Variants in KLF7 observed in about 807,000 individuals in gnomAD.
The protein encoded by KLF7 is Krueppel-like factor 7.
KLF7 carries 2 observed loss-of-function variants against 27.3 expected under a neutral mutation model. The ratio of observed to expected loss-of-function variants is 0.07; its 90% CI spans 0.03 to 0.23. The LOEUF (loss-of-function observed/expected upper bound fraction) is 0.23. KLF7 is among the 10% of genes least tolerant of loss of function. The pLI, the probability that KLF7 is intolerant of heterozygous loss-of-function variation, is 1.00. For missense variants in KLF7, 221 were observed against 394.1 expected (o/e 0.56, Z 3.72); for synonymous variants, 165 against 162.4 (o/e 1.02, Z -0.12).
rs758015408 is a variant in KLF7, at chr2:207,146,809, C to T, written c.102+18658G>A. Among the ~76,000 whole-genome samples, 5 of 152,202 alleles carry T rather than the reference C, an allele frequency of 3.3e-5. No homozygotes were observed. The East Asian group carries it at 9.6e-4, about 29-fold the overall frequency. ...CTCATCCGGCCTCTTTCCTGGAGGG[C>T]TTTACTCTGCCCTCTTCCATGGGGG... On this transcript the variant is annotated intron_variant, in intron 1 of 3. Coordinates refer to ENST00000309446, the MANE Select transcript of KLF7 (RefSeq NM_003709.4).
intron 2 of KLF7, among the ~76,000 whole-genome samples, chr2:207,116,156 T>C (rs1186390248): frequency 6.6e-6 from 1 of 152,198 alleles, no homozygotes; most frequent in African/African-American, 2.4e-5. Flanking sequence ...CAGCAGAGCT[T>C]AGTGTCATCT....
intron 2 of KLF7, among the ~76,000 whole-genome samples, chr2:207,095,340 G>A (rs62188617): frequency 3.9e-5 from 6 of 152,060 alleles, no homozygotes; most frequent in East Asian, 1.9e-4. Context: ...GAGCCACCAC[G>A]CCCGGCCTGT....
intron 1 of KLF7, among the ~76,000 whole-genome samples, chr2:207,128,357 C>T (rs781091770): frequency 1.6e-4 from 25 of 152,132 alleles, no homozygotes; most frequent in Non-Finnish European, 3.1e-4. Flanking sequence ...GTCAGCTCCT[C>T]ATTACAGTAA....
intron 2 of KLF7, among the ~76,000 whole-genome samples, chr2:207,110,421 C>T (rs1366713938): frequency 6.6e-6 from 1 of 152,252 alleles, no homozygotes; most frequent in African/African-American, 2.4e-5. Context: ...GCAACTGTTA[C>T]ATTTCAGCAA....
At chr2:207,143,781 G>A (rs1261650200) in intron 1 of KLF7, among the ~76,000 whole-genome samples, 1 of 152,174 alleles carries the variant, frequency 6.6e-6, no homozygotes, top group African/African-American at 2.4e-5. Flanking sequence ...AAATGTGCAG[G>A]CACATTTGAC....
intron 2 of KLF7, among the ~76,000 whole-genome samples, chr2:207,117,534 T>C (rs898972915): frequency 1.3e-5 from 2 of 152,218 alleles, no homozygotes; most frequent in Non-Finnish European, 2.9e-5. Context: ...TAAACTTCAT[T>C]AGCAGCCATG....
chr2:207,164,204 T>A (rs1301712227), intron 1 of KLF7, among the ~76,000 whole-genome samples: 1 of 152,248 alleles, frequency 6.6e-6, no homozygotes, highest in African/African-American at 2.4e-5. Flanking sequence ...AGCCTCAAGC[T>A]GGCAAATCCT....
chr2:207,099,462 A>C (rs979489099), intron 2 of KLF7, among the ~76,000 whole-genome samples: 3 of 150,904 alleles, frequency 2.0e-5, no homozygotes, highest in East Asian at 3.9e-4. Context: ...GATACACTAA[A>C]TTTTGCTTTT....
Position 207,076,977 on chromosome 2 carries a change from A to ATATAT in KLF7, c.*4235_*4236insATATA, listed in dbSNP as rs2076186625. On this transcript the variant is annotated 3_prime_UTR_variant, in exon 4 of 4. Transcript: ENST00000309446. ...CTCTTAAGATTTCAAAAAAATTCTAATAAACTAAAAAATGAACCTGATTTT... is the reference window on the plus strand; with the variant it reads ...CTCTTAAGATTTCAAAAAAATTCTAATATATTAAACTAAAAAATGAACCTGATTTT... 1 of 152,234 alleles carries ATATAT rather than the reference A, an allele frequency of 6.6e-6. No individual in the cohort carries two copies. The highest frequency in any genetic ancestry group is 1.9e-4 in the East Asian group (1 of 5,200). The allele number at this position is 152,234 out of a possible 1,614,324, so 9.4% of individuals were successfully genotyped here.
chr2:207,148,037 A>C (rs1416366121), intron 1 of KLF7, among the ~76,000 whole-genome samples: 1 of 152,180 alleles, frequency 6.6e-6, no homozygotes, highest in Non-Finnish European at 1.5e-5. Flanking sequence ...CTAAACCTTA[A>C]AAGTACATAA....
chr2:207,120,557 T>C (rs1269068083), intron 2 of KLF7, among the ~76,000 whole-genome samples: 2 of 152,214 alleles, frequency 1.3e-5, no homozygotes, highest in Admixed American at 1.3e-4. Context: ...TCTCCCTTTT[T>C]TTCCTGTCCC....
chr2:207,134,687 C>G (rs551768680), intron 1 of KLF7, among the ~76,000 whole-genome samples: 1 of 152,252 alleles, frequency 6.6e-6, no homozygotes, highest in East Asian at 1.9e-4. Flanking sequence ...ATTAAAGAAA[C>G]AGACTGGCCA....
At chr2:207,117,668 C>T (rs960741388) in intron 2 of KLF7, among the ~76,000 whole-genome samples, 4 of 152,198 alleles carry the variant, frequency 2.6e-5, no homozygotes, top group Non-Finnish European at 5.9e-5. Context: ...GAACCCCCTA[C>T]AGTTCCACAC....
intron 1 of KLF7, among the ~76,000 whole-genome samples, chr2:207,130,862 T>G (rs925566821): frequency 3.9e-5 from 6 of 152,150 alleles, no homozygotes; most frequent in Admixed American, 6.6e-5. Flanking sequence ...AAAACAAATT[T>G]AAAGAAATAA....
At chr2:207,131,157 G>T (rs61067595) in intron 1 of KLF7, among the ~76,000 whole-genome samples, 2,582 of 152,334 alleles carry the variant, frequency 0.017, 141 homozygotes, top group East Asian at 0.11. Context: ...ATCAGATCTG[G>T]ATCTGAAGGA....
intron 2 of KLF7, among the ~76,000 whole-genome samples, chr2:207,109,591 A>G (rs952757455): frequency 6.6e-6 from 1 of 152,242 alleles, no homozygotes; most frequent in Non-Finnish European, 1.5e-5. Context: ...AACTGTAAAG[A>G]TCAATACAAG....
At chr2:207,135,831 A>T (rs2077769694) in intron 1 of KLF7, among the ~76,000 whole-genome samples, 1 of 152,106 alleles carries the variant, frequency 6.6e-6, no homozygotes, top group Non-Finnish European at 1.5e-5. Context: ...AAAAAAAAAA[A>T]TTAAATGCTT....
chr2:207,110,163 T>A (rs958145961), intron 2 of KLF7: 1 of 154,800 alleles, frequency 6.5e-6, no homozygotes, highest in African/African-American at 2.4e-5. Context: ...AAAGTATGTG[T>A]CCATTAGATA....
chr2:207,074,776 A>T lies in KLF7; in HGVS notation c.*6437T>A, dbSNP rs534885835. 3.3e-5 allele frequency: 5 copies of T among 152,286 alleles called. No individual in the cohort carries two copies. Among genetic ancestry groups the T allele is most frequent in the Admixed American group, 3.3e-4 (5 of 15,290 alleles). 9.4% of individuals were successfully genotyped at this position (152,286 alleles called of 1,614,324 possible). A position where few individuals can be genotyped will look rare whatever the true frequency, so the allele number is the denominator to read the frequency against. ...ATAAGCCTCTCCCAACCCCCTAAAC[A>T]AATAACATCTTGTAATCTCTATCAT... On this transcript the variant is annotated 3_prime_UTR_variant, in exon 4 of 4. Transcript: ENST00000309446.
Sources: allele counts gnomAD v4.1 joint callset (sites outside exome capture counted in the v4.1 genomes callset), GRCh38; gene constraint gnomAD v4.1.1; transcripts MANE v1.5; gene names NCBI Gene and HGNC (gene_info 2026-07-23, HGNC 2026-07-21).